Variants in SMARCC1 observed in about 807,000 individuals in gnomAD.
SMARCC1 encodes the protein SWI/SNF related BAF chromatin remodeling complex subunit C1, also known as SWI/SNF complex subunit SMARCC1.
A neutral mutation model predicts 147.4 loss-of-function variants in SMARCC1; 43 were observed. The observed-to-expected ratio is 0.29, with a 90% confidence interval of 0.23 to 0.38. SMARCC1 has a LOEUF of 0.38. SMARCC1 is among the 10% of genes least tolerant of loss of function. The pLI is 1.00. For missense variants in SMARCC1, 1,119 were observed against 1,381.1 expected, an observed-to-expected ratio of 0.81 and a Z score of 3.01; for synonymous variants, 495 against 484.4, an observed-to-expected ratio of 1.02 and a Z score of -0.29.
chr3:47,735,567 C>T (rs2034431714), intron 5 of SMARCC1, among the ~76,000 whole-genome samples: 2 of 152,068 alleles, frequency 1.3e-5, no homozygotes, highest in Non-Finnish European at 2.9e-5. Context: ...GTCAGGAGTT[C>T]GAGACCAGGC....
At chr3:47,773,060 CTG>C in intron 1 of SMARCC1, 124 bp from the exon 2 acceptor site, 1 of 766,010 alleles carries the variant, frequency 1.3e-6, no homozygotes, top group Non-Finnish European at 2.1e-6. Flanking sequence ...GAGACACGCT[CTG>C]TGCTATAAAG....
At chr3:47,740,191 TTTTTTTTTTTTTTTTTTTTTA>T (rs1364688520) in intron 3 of SMARCC1, among the ~76,000 whole-genome samples, 11 of 124,934 alleles carry the variant, frequency 8.8e-5, no homozygotes, top group Non-Finnish European at 1.5e-4. Context: ...TTTTTTTTTT[TTTTTTTTTTTTTTTTTTTTTA>T]AAAGACAGAC....
chr3:47,663,914 G>A (rs879046446), intron 19 of SMARCC1: 15 of 1,458,950 alleles, frequency 1.0e-5, no homozygotes, highest in South Asian at 5.8e-5. Context: ...AGCTGTCACC[G>A]CTATGAAGTC....
intron 15 of SMARCC1, among the ~76,000 whole-genome samples, chr3:47,678,618 T>C (rs1029548878): frequency 1.3e-5 from 2 of 152,254 alleles, no homozygotes; most frequent in African/African-American, 2.4e-5. Flanking sequence ...CGTGGTTACA[T>C]AGGCTATCTG....
At chr3:47,749,720 C>T (rs1279428034) in intron 2 of SMARCC1, among the ~76,000 whole-genome samples, 1 of 89,814 alleles carries the variant, frequency 1.1e-5, no homozygotes, top group Non-Finnish European at 2.6e-5. Context: ...TAAACACACA[C>T]ACACAGAGAA....
At chr3:47,607,151 T>C (rs528994154) in intron 26 of SMARCC1, among the ~76,000 whole-genome samples, 1 of 152,330 alleles carries the variant, frequency 6.6e-6, no homozygotes, top group African/African-American at 2.4e-5. Context: ...TCCACTCAAG[T>C]AGACAGAAAT....
At chr3:47,780,548 T>C (rs914357535) in intron 1 of SMARCC1, among the ~76,000 whole-genome samples, 14 of 152,108 alleles carry the variant, frequency 9.2e-5, no homozygotes, top group Non-Finnish European at 1.3e-4. Flanking sequence ...ACTGAGCTGC[T>C]GAGGCCAAAA....
chr3:47,627,797 G>T (rs898165892), intron 24 of SMARCC1, among the ~76,000 whole-genome samples: 1 of 152,008 alleles, frequency 6.6e-6, no homozygotes, highest in African/African-American at 2.4e-5. Context: ...CACAGCTCAC[G>T]GTAACCTCAA....
intron 24 of SMARCC1, among the ~76,000 whole-genome samples, chr3:47,624,667 A>G (rs2106688278): frequency 6.6e-6 from 1 of 152,302 alleles, no homozygotes; most frequent in African/African-American, 2.4e-5. Context: ...GTAATGTAAT[A>G]CCAGAAAAAG....
rs2106665155 is a variant in SMARCC1, at chr3:47,607,729, A to G, written c.3043+2337T>C. Among the ~76,000 whole-genome samples the G allele has an allele frequency of 1.3e-5, 2 of 152,282 alleles. 1 individual carries two copies. On this transcript the variant is annotated intron_variant, in intron 26 of 27. Transcript: ENST00000254480. ...TAGCCAACTCGAAACAGTTCTCACA[A>G]GCTACAAATGGGACAATTTTAGCAT...
At chr3:47,667,769 C>T (rs1031419010) in intron 19 of SMARCC1, among the ~76,000 whole-genome samples, 3 of 151,794 alleles carry the variant, frequency 2.0e-5, no homozygotes, top group East Asian at 3.9e-4. Flanking sequence ...CCCAACTACT[C>T]GGGAGGCTGA....
intron 26 of SMARCC1, among the ~76,000 whole-genome samples, chr3:47,605,100 T>C (rs1453588056): frequency 1.3e-5 from 2 of 152,230 alleles, no homozygotes; most frequent in Non-Finnish European, 2.9e-5. Context: ...AAAATTATTA[T>C]CTTGAATTGC....
chr3:47,722,692 C>A (rs1421578510), intron 6 of SMARCC1, among the ~76,000 whole-genome samples: 1 of 152,174 alleles, frequency 6.6e-6, no homozygotes, highest in East Asian at 1.9e-4. Context: ...TAAGCTCGCT[C>A]TCTTCCCAGG....
rs1464431580 is a variant in SMARCC1 at position 47,586,115 on chromosome 3, C to G, written c.*2094G>C. ...GATCAAAGACATGAAAAGAAAAAGCCACCACTTATACTGAAATATAACAGT... is the reference window on the plus strand; with the variant it reads ...GATCAAAGACATGAAAAGAAAAAGCGACCACTTATACTGAAATATAACAGT... On this transcript the variant is annotated 3_prime_UTR_variant, in exon 28 of 28. Coordinates refer to ENST00000254480, the MANE Select transcript of SMARCC1 (RefSeq NM_003074.4). The G allele has an allele frequency of 1.3e-5, 2 of 152,432 alleles. No individual in the cohort carries two copies. Among genetic ancestry groups the G allele is most frequent in the Admixed American group, 6.6e-5 (1 of 15,264 alleles). The allele number at this position is 152,432 out of a possible 1,614,324, so 9.4% of individuals were successfully genotyped here.
chr3:47,738,755 T>C (rs2034474906), intron 3 of SMARCC1, among the ~76,000 whole-genome samples: 1 of 152,136 alleles, frequency 6.6e-6, no homozygotes, highest in Admixed American at 6.6e-5. Context: ...GCATCTTGGG[T>C]ATTTAATTCT....
intron 21 of SMARCC1, among the ~76,000 whole-genome samples, chr3:47,656,254 C>T (rs112527285): frequency 8.1e-4 from 123 of 152,052 alleles, no homozygotes; most frequent in Non-Finnish European, 1.1e-3. Context: ...TTTGAGAAGC[C>T]GGTACTACGT....
intron 24 of SMARCC1, among the ~76,000 whole-genome samples, chr3:47,633,048 G>GGAATAAGA (rs1337208209): frequency 6.6e-6 from 1 of 152,144 alleles, no homozygotes; most frequent in Non-Finnish European, 1.5e-5. Flanking sequence ...CAAAGTAACT[G>GGAATAAGA]GAATAAGAGG....
chr3:47,628,666 G>A (rs2032845513), intron 24 of SMARCC1, among the ~76,000 whole-genome samples: 1 of 152,146 alleles, frequency 6.6e-6, no homozygotes, highest in African/African-American at 2.4e-5. Context: ...CCAGGTTCAA[G>A]TGATTCTCGT....
intron 15 of SMARCC1, among the ~76,000 whole-genome samples, chr3:47,679,756 G>A (rs1325557128): frequency 6.6e-6 from 1 of 151,654 alleles, no homozygotes; most frequent in Non-Finnish European, 1.5e-5. Flanking sequence ...CAACTACGTG[G>A]GAGGCTGAGG....
Sources: allele counts gnomAD v4.1 joint callset (sites outside exome capture counted in the v4.1 genomes callset), GRCh38; gene constraint gnomAD v4.1.1; transcripts MANE v1.5; gene names NCBI Gene and HGNC (gene_info 2026-07-23, HGNC 2026-07-21).